Variants in TFCP2 observed in about 807,000 individuals in gnomAD.
The protein encoded by TFCP2 is alpha-globin transcription factor CP2.
In TFCP2, 33 loss-of-function variants were observed where a neutral mutation model predicts 73.4. That is an observed-to-expected ratio of 0.45 (90% confidence interval 0.34 to 0.60). TFCP2 has a LOEUF of 0.60. TFCP2 is among the 20% of genes least tolerant of loss of function. The pLI, the probability that TFCP2 is intolerant of heterozygous loss-of-function variation, is 0.01. For synonymous variants in TFCP2, 193 were observed against 211.6 expected, an observed-to-expected ratio of 0.91 and a Z score of 0.76; for missense variants, 352 against 604.0, an observed-to-expected ratio of 0.58 and a Z score of 4.37.
intron 5 of TFCP2, among the ~76,000 whole-genome samples, chr12:51,110,442 G>A (rs763176343): frequency 9.2e-5 from 14 of 152,044 alleles, no homozygotes; most frequent in Non-Finnish European, 1.6e-4. Context: ...GGTGACATGC[G>A]CCTCTAGTCC....
At position 51,110,750 on chromosome 12, in the gene TFCP2, C is replaced by T; in HGVS notation, c.564+127G>A. The T allele has an allele frequency of 4.5e-6, 3 of 667,852 alleles. No homozygotes were observed. In the South Asian group the frequency reaches 6.0e-5, roughly 13 times the overall value. 41.4% of individuals were successfully genotyped at this position (667,852 alleles called of 1,614,324 possible). ...ATGCTCTCAGGCACAGGTTAAAGAG[C>T]CTGGGCTTGACAGTCAGGCTAGAAC... On this transcript the variant is annotated intron_variant, in intron 5 of 14. Coordinates refer to ENST00000257915, the MANE Select transcript of TFCP2 (RefSeq NM_005653.5).
At chr12:51,160,584 G>T (rs145125182) in intron 1 of TFCP2, among the ~76,000 whole-genome samples, 1 of 152,264 alleles carries the variant, frequency 6.6e-6, no homozygotes, top group East Asian at 1.9e-4. Flanking sequence ...ACACTGAGAA[G>T]GAGGGTTGGA....
In TFCP2 at chr12:51,131,058, G is replaced by A. The variant is rs146673794; in HGVS notation, c.123-12286C>T. On this transcript the variant is annotated intron_variant, in intron 1 of 14. Transcript: ENST00000257915. The stretch of plus-strand genomic sequence containing the variant: ...CAAGGACTAGACGCAGTTCGGGCGC[G>A]GTGGCTCACGCCTGTAATCCCAGCA... Among the ~76,000 whole-genome samples, 900 of 151,706 alleles carry A rather than the reference G, an allele frequency of 5.9e-3. 6 individuals are homozygous for A. The highest frequency in any genetic ancestry group is 0.019 in the African/African-American group (787 of 41,336).
rs978801323 is a variant in TFCP2 at position 51,145,496 on chromosome 12, G to A, written c.123-26724C>T. 2.7e-5 allele frequency among the ~76,000 whole-genome samples: 4 copies of A among 147,804 alleles called. No individual in the cohort carries two copies. In the Admixed American group the frequency reaches 2.8e-4, roughly 10 times the overall value. On this transcript the variant is annotated intron_variant, in intron 1 of 14. Coordinates refer to ENST00000257915, the MANE Select transcript of TFCP2 (RefSeq NM_005653.5). ...CAGGAGAATTGCTTGAACCCAGGAG[G>A]TGAAGGTTGCAGTGAGCCAAGATCA...
intron 14 of TFCP2, 107 bp downstream of exon 14, chr12:51,095,881 AC>A: frequency 1.4e-6 from 1 of 721,302 alleles, no homozygotes; most frequent in Non-Finnish European, 2.2e-6. Flanking sequence ...CACTTTCTTT[AC>A]CCAAATATGG....
intron 1 of TFCP2, among the ~76,000 whole-genome samples, chr12:51,171,935 C>T (rs2137057059): frequency 6.6e-6 from 1 of 152,306 alleles, no homozygotes; most frequent in East Asian, 1.9e-4. Context: ...TTCCCAACTT[C>T]CTAGATACCA....
At position 51,142,098 on chromosome 12, in the gene TFCP2, G is replaced by C. The variant is rs1359838401; in HGVS notation, c.123-23326C>G. ...CACACCTGTAATCCCAGCTACTCAG[G>C]AGGCTGAAGCAGAAGAACTGCTTGA... is the stretch of plus-strand genomic sequence containing the variant. On this transcript the variant is annotated intron_variant, in intron 1 of 14. Coordinates refer to ENST00000257915, the MANE Select transcript of TFCP2 (RefSeq NM_005653.5). 4.0e-5 allele frequency among the ~76,000 whole-genome samples: 6 copies of C among 149,938 alleles called. No homozygotes were observed. The East Asian group carries it at 1.2e-3, about 30-fold the overall frequency.
rs772242161 is a variant in TFCP2, at chr12:51,118,608, G to A, written c.274+13C>T. The A allele has an allele frequency of 6.2e-7, 1 of 1,612,226 alleles. No individual in the cohort carries two copies. The highest frequency in any genetic ancestry group is 1.7e-5 in the Admixed American group (1 of 59,680). On this transcript the variant is annotated intron_variant, in intron 2 of 14. Coordinates refer to ENST00000257915, the MANE Select transcript of TFCP2 (RefSeq NM_005653.5). ...GGTCTGCAATAGTACTAATGAATGA[G>A]GAAGCATCTAACCTTGATTGAGATA...
chr12:51,157,315 C>T (rs1318777477), intron 1 of TFCP2, among the ~76,000 whole-genome samples: 4 of 152,094 alleles, frequency 2.6e-5, no homozygotes, highest in African/African-American at 7.2e-5. Flanking sequence ...AGACACTGTG[C>T]CCGGCCCATG....
intron 1 of TFCP2, among the ~76,000 whole-genome samples, chr12:51,146,853 T>C (rs926583660): frequency 6.6e-6 from 1 of 152,186 alleles, no homozygotes; most frequent in African/African-American, 2.4e-5. Flanking sequence ...ATCTTCTCCA[T>C]CAAATTGTAA....
chr12:51,141,106 T>C (rs952532621), intron 1 of TFCP2, among the ~76,000 whole-genome samples: 6 of 150,838 alleles, frequency 4.0e-5, no homozygotes, highest in African/African-American at 1.2e-4. Context: ...TTTTTACATT[T>C]TTTTTGGTAG....
intron 1 of TFCP2, among the ~76,000 whole-genome samples, chr12:51,144,856 G>A (rs1474715567): frequency 2.6e-5 from 4 of 152,180 alleles, no homozygotes; most frequent in Admixed American, 6.5e-5. Context: ...GAGGTCAAGG[G>A]TTTGAGACCA....
chr12:51,149,494 A>G (rs1941375692), intron 1 of TFCP2, among the ~76,000 whole-genome samples: 1 of 152,234 alleles, frequency 6.6e-6, no homozygotes, highest in Non-Finnish European at 1.5e-5. Flanking sequence ...GGACAAGAAA[A>G]GTGTAGGAAA....
chr12:51,118,715 A>G lies in TFCP2; in HGVS notation c.180T>C (p.Asn60=). Residue 60 remains asparagine, a synonymous_variant, in exon 2 of 15, where the codon AAT becomes AAC. Transcript: ENST00000257915. Reference sequence around the variant, plus strand: ...ATTGAAAAGGCAGGATTTTATTCTCATTATCAGGAGGCAAACTCGACTCTT... The same window carrying G: ...ATTGAAAAGGCAGGATTTTATTCTCGTTATCAGGAGGCAAACTCGACTCTT... The part of the protein sequence containing the change: ...KQEESSLPPD[N]ENKILPFQYV... The G allele has an allele frequency of 6.2e-7, 1 of 1,614,180 alleles. No homozygotes were observed. The highest frequency in any genetic ancestry group is 1.1e-5 in the South Asian group (1 of 91,092).
intron 1 of TFCP2, chr12:51,124,846 G>A (rs1246925517): frequency 1.6e-6 from 2 of 1,279,708 alleles, no homozygotes; most frequent in Admixed American, 1.7e-5. Context: ...GCTTCCTGCT[G>A]AGCCACCTGT....
At chr12:51,133,590 C>T (rs1048076683) in intron 1 of TFCP2, among the ~76,000 whole-genome samples, 3 of 151,386 alleles carry the variant, frequency 2.0e-5, no homozygotes, top group East Asian at 2.0e-4. Context: ...GGATTACAGG[C>T]GTGAGTCATC....
At chr12:51,149,890 G>A (rs1195864618) in intron 1 of TFCP2, among the ~76,000 whole-genome samples, 2 of 152,012 alleles carry the variant, frequency 1.3e-5, no homozygotes, top group African/African-American at 2.4e-5. Context: ...GTGAGCCACC[G>A]CACCTAGCCT....
intron 1 of TFCP2, among the ~76,000 whole-genome samples, chr12:51,161,491 T>C (rs1941647174): frequency 6.6e-6 from 1 of 151,658 alleles, no homozygotes. Flanking sequence ...CCATCCTGGC[T>C]AACACGGTGA....
At chr12:51,166,333 A>AAAT (rs1941758046) in intron 1 of TFCP2, among the ~76,000 whole-genome samples, 1 of 151,686 alleles carries the variant, frequency 6.6e-6, no homozygotes, top group Non-Finnish European at 1.5e-5. Flanking sequence ...TAATAATAAT[A>AAAT]AATAATAAAT....
Sources: gnomAD v4.1 joint callset for allele counts (sites outside exome capture counted in the v4.1 genomes callset) on GRCh38, gnomAD v4.1.1 for gene constraint, MANE v1.5 for transcripts, NCBI Gene and HGNC (gene_info 2026-07-23, HGNC 2026-07-21) for gene names.